The following MCC variants were observed in gnomAD, a reference collection of about 807,000 sequenced individuals.
MCC encodes the protein colorectal mutant cancer protein.
MCC carries 90 observed loss-of-function variants against 116.2 expected under a neutral mutation model. That is an observed-to-expected ratio of 0.77 (90% CI 0.65 to 0.92). MCC has a LOEUF of 0.92. Among genes scored for constraint, MCC ranks in the 40% least tolerant of loss-of-function variants. MCC has a pLI of 0.00. For synonymous variants in MCC, 578 were observed against 510.5 expected (o/e 1.13, Z -1.78); for missense variants, 1,516 against 1,312.2 (o/e 1.16, Z -2.40).
At chr5:113,315,654 G>A (rs1290649820) in intron 3 of MCC, among the ~76,000 whole-genome samples, 1 of 139,536 alleles carries the variant, frequency 7.2e-6, no homozygotes, top group South Asian at 2.3e-4. Context: ...GATTGCTTGA[G>A]CCCAGGAGTT....
At chr5:113,287,026 T>C (rs1766289307) in intron 3 of MCC, among the ~76,000 whole-genome samples, 1 of 141,700 alleles carries the variant, frequency 7.1e-6, no homozygotes, top group Non-Finnish European at 1.5e-5. Flanking sequence ...CTTTTTTCTT[T>C]TTTTCACCCC....
At chr5:113,044,213 G>A (rs536877330) in intron 16 of MCC, among the ~76,000 whole-genome samples, 2 of 152,314 alleles carry the variant, frequency 1.3e-5, no homozygotes, top group South Asian at 4.1e-4. Flanking sequence ...GCCTTGCTGG[G>A]TTCAGTGTAA....
chr5:113,067,807 C>T (rs950787248), intron 13 of MCC, among the ~76,000 whole-genome samples: 2 of 152,282 alleles, frequency 1.3e-5, no homozygotes, highest in Admixed American at 6.5e-5. Flanking sequence ...GATGCGGCCT[C>T]AGCTCCATCT....
Position 113,049,165 on chromosome 5 carries a change from C to A in MCC, c.2583G>T (p.Val861=), listed in dbSNP as rs749728029. ...LVHIEHLKSE[V]EEQKEQRMRS... The stretch of plus-strand genomic sequence containing the variant: ...GCATCCGCTGCTCCTTCTGCTCCTC[C>A]ACCTCGGACTTCAGGTGCTCAATGT... The change falls in exon 16 of 19, where the codon GTG becomes GTT. Residue 861 remains valine (V), a synonymous_variant. Coordinates refer to ENST00000408903, the MANE Select transcript of MCC (RefSeq NM_001085377.2). The A allele has an allele frequency of 5.6e-6, 9 of 1,614,098 alleles. No individual in the cohort carries two copies. The South Asian group carries it at 9.9e-5, about 18-fold the overall frequency.
At chr5:113,483,151 C>A (rs1038428830) in intron 1 of MCC, among the ~76,000 whole-genome samples, 3 of 152,138 alleles carry the variant, frequency 2.0e-5, no homozygotes, top group Admixed American at 2.0e-4. Context: ...ATGCTAGTAC[C>A]ATAGTGTCTT....
intron 3 of MCC, among the ~76,000 whole-genome samples, chr5:113,266,296 T>C (rs1472264449): frequency 6.6e-6 from 1 of 151,738 alleles, no homozygotes; most frequent in Non-Finnish European, 1.5e-5. Context: ...TGAAAAAACC[T>C]ATACAGGAAA....
intron 1 of MCC, among the ~76,000 whole-genome samples, chr5:113,474,358 G>C (rs1037032157): frequency 6.6e-6 from 1 of 152,176 alleles, no homozygotes; most frequent in African/African-American, 2.4e-5. Flanking sequence ...AAAAATGAGA[G>C]GGTGCTCACC....
chr5:113,146,136 A>T (rs542610044), intron 4 of MCC, among the ~76,000 whole-genome samples: 1 of 152,264 alleles, frequency 6.6e-6, no homozygotes, highest in South Asian at 2.1e-4. Flanking sequence ...AATAGCATAC[A>T]ATGTAGTACT....
At chr5:113,116,591 C>G (rs1581096356) in intron 6 of MCC, among the ~76,000 whole-genome samples, 1 of 152,290 alleles carries the variant, frequency 6.6e-6, no homozygotes, top group South Asian at 2.1e-4. Flanking sequence ...AGATTAATGC[C>G]TTTCCATTTC....
chr5:113,154,029 A>G (rs148595017), intron 3 of MCC, among the ~76,000 whole-genome samples: 47 of 152,364 alleles, frequency 3.1e-4, no homozygotes, highest in African/African-American at 1.1e-3. Flanking sequence ...CTCTGATTAT[A>G]AAAGTAATAA....
intron 1 of MCC, among the ~76,000 whole-genome samples, chr5:113,411,949 A>G (rs1024150447): frequency 6.6e-6 from 1 of 151,980 alleles, no homozygotes; most frequent in Non-Finnish European, 1.5e-5. Flanking sequence ...AATTTTTGTA[A>G]AAGGTGTAAG....
At chr5:113,176,075 C>T (rs1203664673) in intron 3 of MCC, among the ~76,000 whole-genome samples, 1 of 152,132 alleles carries the variant, frequency 6.6e-6, no homozygotes, top group African/African-American at 2.4e-5. Context: ...TTTAAGTATA[C>T]ATTTGAAAAT....
At chr5:113,151,230 T>G in intron 4 of MCC, 79 bp downstream of exon 4, 1 of 820,826 alleles carries the variant, frequency 1.2e-6, no homozygotes, top group Non-Finnish European at 2.0e-6. Flanking sequence ...TGGGAATTTC[T>G]GTACTCATGT....
intron 5 of MCC, among the ~76,000 whole-genome samples, chr5:113,123,933 G>C (rs1757879000): frequency 6.6e-6 from 1 of 152,194 alleles, no homozygotes; most frequent in South Asian, 2.1e-4. Context: ...GTTGGATTCT[G>C]GGTGGACCAA....
intron 17 of MCC, among the ~76,000 whole-genome samples, chr5:113,038,179 T>C (rs1174877044): frequency 1.3e-5 from 2 of 152,032 alleles, no homozygotes; most frequent in Non-Finnish European, 2.9e-5. Context: ...TTAACATAAA[T>C]AGGAATTCAT....
chr5:113,230,999 G>T (rs1763920403), intron 3 of MCC, among the ~76,000 whole-genome samples: 1 of 152,008 alleles, frequency 6.6e-6, no homozygotes, highest in African/African-American at 2.4e-5. Flanking sequence ...GGAATTTCTT[G>T]GATTGTAGAA....
chr5:113,125,099 T>C (rs1757968200), intron 5 of MCC, among the ~76,000 whole-genome samples: 1 of 152,224 alleles, frequency 6.6e-6, no homozygotes, highest in Non-Finnish European at 1.5e-5. Context: ...GATGGAAACA[T>C]GAGGCTGGAG....
At chr5:113,086,750 G>A (rs540710888) in intron 8 of MCC, among the ~76,000 whole-genome samples, 2 of 149,770 alleles carry the variant, frequency 1.3e-5, no homozygotes, top group Admixed American at 1.3e-4. Context: ...AACACCCAGC[G>A]GTCCTTACAA....
chr5:113,181,929 C>T (rs1761649662), intron 3 of MCC, among the ~76,000 whole-genome samples: 1 of 152,098 alleles, frequency 6.6e-6, no homozygotes, highest in Admixed American at 6.5e-5. Flanking sequence ...CTCCAAGGAC[C>T]CCATTCCCTA....
Sources: allele counts gnomAD v4.1 joint callset (sites outside exome capture counted in the v4.1 genomes callset), GRCh38; gene constraint gnomAD v4.1.1; transcripts MANE v1.5; gene names NCBI Gene and HGNC (gene_info 2026-07-23, HGNC 2026-07-21).